The following AGBL1 variants were observed in gnomAD, a reference collection of about 807,000 sequenced individuals.
The protein encoded by AGBL1 is cytosolic carboxypeptidase 4.
Under a neutral mutation model 118.9 loss-of-function variants are expected in AGBL1, and 130 were observed. The ratio of observed to expected loss-of-function variants is 1.09; its 90% CI spans 0.95 to 1.26. The LOEUF is 1.26. Ranked by LOEUF, AGBL1 falls within the 50% of genes most tolerant of loss-of-function variation. AGBL1 has a pLI of 0.00. For synonymous variants in AGBL1, 555 were observed against 478.9 expected (o/e 1.16, Z -2.08); for missense variants, 1,584 against 1,298.1 (o/e 1.22, Z -3.38).
Position 86,991,917 on chromosome 15 carries a change from T to C in AGBL1, c.3323+3829T>C, listed in dbSNP as rs1324428841. On this transcript the variant is annotated intron_variant, in intron 24 of 24. Transcript: ENST00000441037. ...TAAGGCTGTCAATTTTGTCTTTCTCTGTATCTTCCCTATACCAGGTACATA... is the reference window on the plus strand; with the variant it reads ...TAAGGCTGTCAATTTTGTCTTTCTCCGTATCTTCCCTATACCAGGTACATA... Among the ~76,000 whole-genome samples the C allele has an allele frequency of 9.9e-5, 15 of 152,216 alleles. 1 individual carries two copies. Among genetic ancestry groups the C allele is most frequent in the Admixed American group, 9.8e-4 (15 of 15,286 alleles).
At chr15:87,018,863 G>T (rs897202749) in intron 24 of AGBL1, among the ~76,000 whole-genome samples, 15 of 152,136 alleles carry the variant, frequency 9.9e-5, no homozygotes, top group Non-Finnish European at 2.2e-4. Flanking sequence ...CCATTGGTAT[G>T]TTGTCTTCAA....
downstream of AGBL1, among the ~76,000 whole-genome samples, chr15:86,918,018 G>A (rs1240393830): frequency 6.6e-6 from 1 of 152,162 alleles, no homozygotes; most frequent in African/African-American, 2.4e-5. Context: ...GAAAGGTTCA[G>A]TTGTTCATTT....
rs576965069 is a variant in AGBL1, at chr15:86,792,877, G to C, written c.3159-114210G>C. 1.8e-4 allele frequency among the ~76,000 whole-genome samples: 28 copies of C among 152,158 alleles called. 1 individual carries two copies. Among genetic ancestry groups the C allele is most frequent in the Middle Eastern group, 3.4e-3 (1 of 294 alleles). On this transcript the variant is annotated intron_variant, in intron 22 of 22. Transcript: ENST00000614907. ...CAAAGCTATATCTCCATGATTCCCA[G>C]TAATATTATCAACAAAAATATAGAT...
At chr15:86,860,311 A>G (rs1360728627) in intron 22 of AGBL1, among the ~76,000 whole-genome samples, 2 of 152,116 alleles carry the variant, frequency 1.3e-5, no homozygotes, top group East Asian at 1.9e-4. Context: ...CATAGCCATT[A>G]TCATTATTAT....
chr15:86,464,772 G>C (rs1204630133), intron 18 of AGBL1, among the ~76,000 whole-genome samples: 1 of 152,182 alleles, frequency 6.6e-6, no homozygotes, highest in African/African-American at 2.4e-5. Flanking sequence ...AACCAGACTT[G>C]CATCCCAGGG....
At chr15:86,973,876 G>A (rs1361945125) in intron 23 of AGBL1, among the ~76,000 whole-genome samples, 1 of 142,368 alleles carries the variant, frequency 7.0e-6, no homozygotes, top group Non-Finnish European at 1.5e-5. Flanking sequence ...TGTTTGCAAT[G>A]TGCCATGAAT....
At chr15:86,405,641 T>C (rs2081516025) in intron 18 of AGBL1, among the ~76,000 whole-genome samples, 1 of 152,148 alleles carries the variant, frequency 6.6e-6, no homozygotes, top group Admixed American at 6.6e-5. Flanking sequence ...GGCTAATACA[T>C]TTTAAGAGAT....
chr15:86,202,982 G>C (rs924808457), intron 5 of AGBL1, among the ~76,000 whole-genome samples: 5 of 152,152 alleles, frequency 3.3e-5, no homozygotes, highest in African/African-American at 1.2e-4. Context: ...TACTTGAGAG[G>C]CTGAGGCTGG....
At chr15:87,024,344 T>C (rs1331490582) in intron 24 of AGBL1, among the ~76,000 whole-genome samples, 1 of 151,996 alleles carries the variant, frequency 6.6e-6, no homozygotes, top group Non-Finnish European at 1.5e-5. Flanking sequence ...AAGGCTACTA[T>C]GAACATCTTT....
intron 1 of AGBL1, among the ~76,000 whole-genome samples, chr15:86,129,513 G>A (rs1271485432): frequency 6.6e-6 from 1 of 152,178 alleles, no homozygotes; most frequent in East Asian, 1.9e-4. Context: ...GGTTTACCGG[G>A]AGGAATAGTA....
chr15:86,928,880 T>C (rs202124299), intron 23 of AGBL1, among the ~76,000 whole-genome samples: 1 of 95,078 alleles, frequency 1.1e-5, no homozygotes. Flanking sequence ...TAATAATTTA[T>C]TTTTTATTGT....
chr15:86,524,653 C>T (rs748916295), intron 19 of AGBL1, among the ~76,000 whole-genome samples: 2 of 152,160 alleles, frequency 1.3e-5, no homozygotes, highest in Non-Finnish European at 2.9e-5. Flanking sequence ...TAGAGCCCCA[C>T]CATAAGTCAC....
intron 22 of AGBL1, among the ~76,000 whole-genome samples, chr15:86,860,213 CT>C (rs1000203865): frequency 1.3e-5 from 2 of 152,048 alleles, no homozygotes; most frequent in African/African-American, 4.8e-5. Context: ...GAAGCCTCCC[CT>C]GTACCATGTT....
chr15:86,298,336 C>CTATATATATATGAATATATTCT lies in AGBL1; in HGVS notation c.2374+2970_2374+2991dup, dbSNP rs1260424375. Among the ~76,000 whole-genome samples the CTATATATATATGAATATATTCT allele has an allele frequency of 6.9e-3, 768 of 111,458 alleles. 14 individuals carry two copies. Among genetic ancestry groups the CTATATATATATGAATATATTCT allele is most frequent in the African/African-American group, 0.021 (590 of 28,742 alleles). The allele number at this position is 111,458 out of a possible 152,430, so 73.1% of individuals were successfully genotyped here. A position where few individuals can be genotyped will look rare whatever the true frequency, so the allele number is the denominator to read the frequency against. ...ATATAGGTAACTATATATATGGTAA[C>CTATATATATATGAATATATTCT]TATATATATATGAATATATTCTTAT... On this transcript the variant is annotated intron_variant, in intron 17 of 22. Coordinates refer to ENST00000614907, the MANE Select transcript of AGBL1 (RefSeq NM_001386094.1).
At position 86,211,177 on chromosome 15, in the gene AGBL1, C is replaced by T. The variant is rs565542262; in HGVS notation, c.489-13737C>T. Among the ~76,000 whole-genome samples, 13 of 152,300 alleles carry T rather than the reference C, an allele frequency of 8.5e-5. No homozygotes were observed. The East Asian group carries it at 2.1e-3, about 25-fold the overall frequency. On this transcript the variant is annotated intron_variant, in intron 5 of 22. Coordinates refer to ENST00000614907, the MANE Select transcript of AGBL1 (RefSeq NM_001386094.1). The stretch of plus-strand genomic sequence containing the variant: ...CAGAACAGCAAATATTGCATTACAG[C>T]AAATATTGCTGCCTGTTCCTTCCTC...
chr15:86,135,521 C>T lies in AGBL1; in HGVS notation c.52-6483C>T, dbSNP rs539720450. The stretch of plus-strand genomic sequence containing the variant: ...GTAAACTTCTGTAACAATGTTCTCA[C>T]TGAGATGGACTTTACATCCTGGCAT... On this transcript the variant is annotated intron_variant, in intron 1 of 22. Transcript: ENST00000614907. 5.9e-5 allele frequency among the ~76,000 whole-genome samples: 9 copies of T among 152,302 alleles called. No homozygotes were observed. In the South Asian group the frequency reaches 8.3e-4, roughly 14 times the overall value.
At chr15:86,230,475 G>A (rs988612331) in intron 6 of AGBL1, among the ~76,000 whole-genome samples, 40 of 152,342 alleles carry the variant, frequency 2.6e-4, no homozygotes, top group South Asian at 1.0e-3. Context: ...GTGGATCAAT[G>A]CAGCTGTCAC....
intron 21 of AGBL1, among the ~76,000 whole-genome samples, chr15:86,621,734 A>T (rs728653): frequency 0.36 from 55,433 of 152,086 alleles, 10,460 homozygotes; most frequent in East Asian, 0.54. Flanking sequence ...ATATAGCCTT[A>T]GTCAAGTTAT....
At position 86,271,675 on chromosome 15, in the gene AGBL1, A is replaced by T. The variant is rs766973494; in HGVS notation, c.2044A>T (p.Ile682Leu). Residue 682 changes from isoleucine (I) to leucine (L), a missense_variant, in exon 15 of 23, where the codon ATA (isoleucine) becomes TTA (leucine). Ile to Leu is a conservative substitution (Grantham distance 5). Coordinates refer to ENST00000614907, the MANE Select transcript of AGBL1 (RefSeq NM_001386094.1). ...GGCTCTTCTTGGCAAACCCACCTGG[A>T]TAAGGACAGGCCATGAAATATGTTA... is the stretch of plus-strand genomic sequence containing the variant. ...KEALLGKPTW[I>L]RTGHEICYYK... is the part of the protein sequence containing the mutation. 6.2e-7 allele frequency: 1 copy of T among 1,613,454 alleles called. No individual in the cohort carries two copies. Among genetic ancestry groups the T allele is most frequent in the South Asian group, 1.1e-5 (1 of 91,074 alleles).
Sources: gnomAD v4.1 joint callset for allele counts (sites outside exome capture counted in the v4.1 genomes callset) on GRCh38, gnomAD v4.1.1 for gene constraint, MANE v1.5 for transcripts, NCBI Gene and HGNC (gene_info 2026-07-23, HGNC 2026-07-21) for gene names.